Variants in ADAMTSL3 observed in about 807,000 individuals in gnomAD.
The protein encoded by ADAMTSL3 is ADAMTS-like protein 3.
A neutral mutation model predicts 201.7 loss-of-function variants in ADAMTSL3; 128 were observed. The observed-to-expected ratio is 0.63, with a 90% CI of 0.55 to 0.73. The LOEUF is 0.73. Ranked by LOEUF, ADAMTSL3 falls within the 30% of genes least tolerant of loss-of-function variation. ADAMTSL3 has a pLI of 0.00. For synonymous variants in ADAMTSL3, 738 were observed against 748.4 expected (o/e 0.99, Z 0.23); for missense variants, 1,990 against 2,119.6 (o/e 0.94, Z 1.20).
rs1432949388 is a variant in ADAMTSL3, at chr15:84,039,692, A to G, written c.*1886A>G. On this transcript the variant is annotated 3_prime_UTR_variant, in exon 30 of 30. Coordinates refer to ENST00000286744, the MANE Select transcript of ADAMTSL3 (RefSeq NM_207517.3). ...TAAAAGTTACTATTTTTCATTTGCT[A>G]TTGTACTTTCATTGTTGTCATTCAA... 2 of 152,584 alleles carry G rather than the reference A, an allele frequency of 1.3e-5. No homozygotes were observed. The highest frequency in any genetic ancestry group is 6.5e-5 in the Admixed American group (1 of 15,270). The allele number at this position is 152,584 out of a possible 1,614,324, so 9.5% of individuals were successfully genotyped here. A position where few individuals can be genotyped will look rare whatever the true frequency, so the allele number is the denominator to read the frequency against.
At chr15:83,869,666 C>G (rs2065045256) in intron 8 of ADAMTSL3, among the ~76,000 whole-genome samples, 1 of 152,190 alleles carries the variant, frequency 6.6e-6, no homozygotes, top group African/African-American at 2.4e-5. Flanking sequence ...TGGAAGCTCC[C>G]TAATGCTGGA....
intron 23 of ADAMTSL3, among the ~76,000 whole-genome samples, chr15:83,996,625 CA>C (rs1447143403): frequency 6.6e-6 from 1 of 151,158 alleles, no homozygotes; most frequent in East Asian, 1.9e-4. Context: ...ACTAAAAATA[CA>C]AAAAATTAGC....
intron 4 of ADAMTSL3, among the ~76,000 whole-genome samples, chr15:83,804,027 T>C (rs954924126): frequency 6.6e-6 from 1 of 151,932 alleles, no homozygotes; most frequent in African/African-American, 2.4e-5. Context: ...CCTGCAATCC[T>C]AGCTACTCTG....
In ADAMTSL3 at chr15:84,025,494, T is replaced by TA. The variant is rs773935018; in HGVS notation, c.4656+60dup. 17 of 1,517,034 alleles carry TA rather than the reference T, an allele frequency of 1.1e-5. No homozygotes were observed. The African/African-American group carries it at 2.1e-4, about 19-fold the overall frequency. The allele number at this position is 1,517,034 out of a possible 1,614,324, so 94.0% of individuals were successfully genotyped here. A position where few individuals can be genotyped will look rare whatever the true frequency, so the allele number is the denominator to read the frequency against. On this transcript the variant is annotated intron_variant, in intron 27 of 29. Coordinates refer to ENST00000286744, the MANE Select transcript of ADAMTSL3 (RefSeq NM_207517.3). ...CTATCTGTCCACACAGATAGTGTGATAATAATCACCTTGTTTCCAATAAAC... is the reference window on the plus strand; with the variant it reads ...CTATCTGTCCACACAGATAGTGTGATAAATAATCACCTTGTTTCCAATAAAC...
chr15:84,021,915 T>C (rs1409374347), intron 26 of ADAMTSL3, among the ~76,000 whole-genome samples: 1 of 152,178 alleles, frequency 6.6e-6, no homozygotes, highest in Non-Finnish European at 1.5e-5. Flanking sequence ...GTCAGTTCTT[T>C]AAGACTTTAG....
intron 4 of ADAMTSL3, among the ~76,000 whole-genome samples, chr15:83,783,286 A>G (rs551195638): frequency 9.3e-4 from 142 of 151,924 alleles, no homozygotes; most frequent in Non-Finnish European, 1.8e-3. Flanking sequence ...CAGATATCAC[A>G]AGGGCAAATA....
rs2062355550 is a variant in ADAMTSL3 at position 83,735,490 on chromosome 15, T to C, written c.189+30982T>C. On this transcript the variant is annotated intron_variant, in intron 3 of 29. Coordinates refer to ENST00000286744, the MANE Select transcript of ADAMTSL3 (RefSeq NM_207517.3). ...AAAGGAAATATTTCAATGTTGGGTC[T>C]CTTTAATCTTCTTTCCAGATTCATA... 2.0e-5 allele frequency among the ~76,000 whole-genome samples: 3 copies of C among 152,202 alleles called. 1 individual carries two copies. In the South Asian group the frequency reaches 6.2e-4, roughly 32 times the overall value.
At chr15:83,703,782 C>T (rs1395186209) in intron 2 of ADAMTSL3, among the ~76,000 whole-genome samples, 2 of 152,078 alleles carry the variant, frequency 1.3e-5, no homozygotes, top group African/African-American at 4.8e-5. Flanking sequence ...ACACAGTCTA[C>T]AATATGCATG....
intron 9 of ADAMTSL3, among the ~76,000 whole-genome samples, chr15:83,871,453 A>T (rs2065079351): frequency 1.3e-5 from 2 of 152,242 alleles, no homozygotes; most frequent in Non-Finnish European, 2.9e-5. Flanking sequence ...CTTCTTGCAA[A>T]GGAGAGCAGA....
chr15:83,825,599 A>G (rs572090409), intron 6 of ADAMTSL3, among the ~76,000 whole-genome samples: 1 of 152,148 alleles, frequency 6.6e-6, no homozygotes, highest in Non-Finnish European at 1.5e-5. Flanking sequence ...AGCCTATGAT[A>G]GGGTGAGACC....
chr15:83,837,748 G>C (rs1596298597), intron 6 of ADAMTSL3, among the ~76,000 whole-genome samples: 1 of 151,150 alleles, frequency 6.6e-6, no homozygotes, highest in South Asian at 2.1e-4. Context: ...GCTGCAGTGA[G>C]CCACAATCCC....
chr15:83,976,827 CAG>C (rs909577744), intron 20 of ADAMTSL3, among the ~76,000 whole-genome samples: 11 of 152,256 alleles, frequency 7.2e-5, no homozygotes, highest in African/African-American at 2.2e-4. Flanking sequence ...TGATTCCTAA[CAG>C]GGGGTTCGGT....
At chr15:83,833,211 A>G (rs930569262) in intron 6 of ADAMTSL3, among the ~76,000 whole-genome samples, 1 of 152,142 alleles carries the variant, frequency 6.6e-6, no homozygotes, top group African/African-American at 2.4e-5. Context: ...AGCTGTCACT[A>G]GCTACCATAG....
intron 3 of ADAMTSL3, among the ~76,000 whole-genome samples, chr15:83,717,265 C>A (rs1288445454): frequency 1.3e-5 from 2 of 152,106 alleles, no homozygotes; most frequent in East Asian, 3.9e-4. Context: ...GAATTGTATC[C>A]AAAGTAATTC....
At chr15:83,819,695 C>A in intron 5 of ADAMTSL3, 116 bp from the exon 6 acceptor site, 30 of 727,356 alleles carry the variant, frequency 4.1e-5, no homozygotes, top group Non-Finnish European at 6.2e-5. Flanking sequence ...AATTAGGTGA[C>A]TCCCAGAGAG....
intron 3 of ADAMTSL3, chr15:83,739,823 G>A: frequency 1.7e-6 from 1 of 599,166 alleles, no homozygotes; most frequent in Admixed American, 1.9e-5. Context: ...CTGGGCTGGT[G>A]TCCAGATTGG....
intron 7 of ADAMTSL3, among the ~76,000 whole-genome samples, chr15:83,853,394 C>T (rs1331172074): frequency 6.6e-6 from 1 of 152,120 alleles, no homozygotes; most frequent in Non-Finnish European, 1.5e-5. Context: ...ACTGGTATCC[C>T]ATCATTTCCC....
At chr15:83,894,137 T>C (rs924124242) in intron 13 of ADAMTSL3, among the ~76,000 whole-genome samples, 1 of 152,122 alleles carries the variant, frequency 6.6e-6, no homozygotes, top group African/African-American at 2.4e-5. Flanking sequence ...GGTGGAATGA[T>C]TCACTCCATC....
At chr15:83,808,396 C>G (rs2141875039) in intron 5 of ADAMTSL3, among the ~76,000 whole-genome samples, 1 of 152,330 alleles carries the variant, frequency 6.6e-6, no homozygotes, top group East Asian at 1.9e-4. Context: ...CTTAACATCA[C>G]TAATCATCAG....
Sources: gnomAD v4.1 joint callset for allele counts (sites outside exome capture counted in the v4.1 genomes callset) on GRCh38, gnomAD v4.1.1 for gene constraint, MANE v1.5 for transcripts, NCBI Gene and HGNC (gene_info 2026-07-23, HGNC 2026-07-21) for gene names.